Variants in MGAT4C observed in about 807,000 individuals in gnomAD.
MGAT4C encodes MGAT4 family member C, also known as alpha-1,3-mannosyl-glycoprotein 4-beta-N-acetylglucosaminyltransferase C.
In MGAT4C, 19 loss-of-function variants were observed where a neutral mutation model predicts 40.1. That is an observed-to-expected ratio of 0.47 (90% confidence interval 0.33 to 0.70). The LOEUF is 0.70. Among genes scored for constraint, MGAT4C ranks in the 30% least tolerant of loss-of-function variants. The probability of loss-of-function intolerance (pLI) is 0.02; values close to 1 mark genes in which losing one functional copy is unlikely to be tolerated. For missense variants in MGAT4C, 491 were observed against 563.2 expected (o/e 0.87, Z 1.30); for synonymous variants, 181 against 187.1 (o/e 0.97, Z 0.27).
chr12:86,831,937 A>G (rs113959355), intron 1 of MGAT4C, among the ~76,000 whole-genome samples: 1 of 151,864 alleles, frequency 6.6e-6, no homozygotes, highest in Non-Finnish European at 1.5e-5. Flanking sequence ...ACAATATCAC[A>G]AAGATTCTGT....
intron 2 of MGAT4C, among the ~76,000 whole-genome samples, chr12:86,702,223 T>C (rs1271857116): frequency 2.6e-5 from 4 of 151,212 alleles, no homozygotes; most frequent in African/African-American, 4.9e-5. Context: ...TTTTTTTTTT[T>C]CAGAGATGTA....
rs1333739655 is a variant in MGAT4C at position 85,957,111 on chromosome 12, C to G, written c.*22178G>C. On this transcript the variant is annotated 3_prime_UTR_variant, in exon 5 of 5. Coordinates refer to ENST00000611864, the MANE Select transcript of MGAT4C (RefSeq NM_001351288.2). ...TATTATTTTGTTATTATCTATATTTCCTCATAGCAGCTCCTCTTAAAGACT... is the reference window on the plus strand; with the variant it reads ...TATTATTTTGTTATTATCTATATTTGCTCATAGCAGCTCCTCTTAAAGACT... 6.6e-6 allele frequency: 1 copy of G among 152,092 alleles called. No homozygotes were observed. Among genetic ancestry groups the G allele is most frequent in the Non-Finnish European group, 1.5e-5 (1 of 68,028 alleles). 9.4% of individuals were successfully genotyped at this position (152,092 alleles called of 1,614,324 possible). A position where few individuals can be genotyped will look rare whatever the true frequency, so the allele number is the denominator to read the frequency against.
chr12:86,605,359 T>C (rs562031445), intron 2 of MGAT4C, among the ~76,000 whole-genome samples: 120 of 152,202 alleles, frequency 7.9e-4, no homozygotes, highest in African/African-American at 2.7e-3. Context: ...ATCATTGTTC[T>C]TTCACCCGTT....
At chr12:86,672,672 C>A (rs1049084593) in intron 2 of MGAT4C, among the ~76,000 whole-genome samples, 2 of 152,082 alleles carry the variant, frequency 1.3e-5, no homozygotes, top group African/African-American at 4.8e-5. Flanking sequence ...AAACCAAATA[C>A]TGCTTGTTCT....
intron 3 of MGAT4C, among the ~76,000 whole-genome samples, chr12:86,400,290 C>A (rs1956332764): frequency 6.6e-6 from 1 of 152,160 alleles, no homozygotes; most frequent in Non-Finnish European, 1.5e-5. Context: ...GAATAGCCTT[C>A]CAGTTGTCCC....
intron 1 of MGAT4C, among the ~76,000 whole-genome samples, chr12:86,818,541 T>C (rs1044078521): frequency 6.6e-6 from 1 of 151,168 alleles, no homozygotes; most frequent in African/African-American, 2.4e-5. Context: ...TGACTTTAAA[T>C]AGGTAATTAA....
chr12:86,673,083 G>A (rs1250792010), intron 2 of MGAT4C, among the ~76,000 whole-genome samples: 1 of 152,062 alleles, frequency 6.6e-6, no homozygotes, highest in Admixed American at 6.6e-5. Context: ...TCAGGATTCA[G>A]TGCCAAAGTG....
At position 85,961,168 on chromosome 12, in the gene MGAT4C, G is replaced by T. The variant is rs1277457393; in HGVS notation, c.*18121C>A. On this transcript the variant is annotated 3_prime_UTR_variant, in exon 5 of 5. Coordinates refer to ENST00000611864, the MANE Select transcript of MGAT4C (RefSeq NM_001351288.2). Reference sequence around the variant, plus strand: ...TCCTTCAGTCAGATTTATAAAGTATGACCTATAGCATCCAACTCCATCATT... The same window carrying T: ...TCCTTCAGTCAGATTTATAAAGTATTACCTATAGCATCCAACTCCATCATT... 5.3e-5 allele frequency: 8 copies of T among 151,862 alleles called. No individual in the cohort carries two copies. Among genetic ancestry groups the T allele is most frequent in the African/African-American group, 1.9e-4 (8 of 41,426 alleles). 9.4% of individuals were successfully genotyped at this position (151,862 alleles called of 1,614,324 possible).
rs1377637819 is a variant in MGAT4C at position 86,270,488 on chromosome 12, G to A, written c.-57+63577C>T. 2.0e-5 allele frequency among the ~76,000 whole-genome samples: 3 copies of A among 152,096 alleles called. No homozygotes were observed. The East Asian group carries it at 5.8e-4, about 29-fold the overall frequency. ...GTCTCTATGAATTTGACTACTCTAG[G>A]AATTTCATATAATTAAAATCATACA... On this transcript the variant is annotated intron_variant, in intron 4 of 7. Transcript: ENST00000548651.
At chr12:86,084,012 C>G (rs1476203678) in intron 1 of MGAT4C, among the ~76,000 whole-genome samples, 1 of 149,990 alleles carries the variant, frequency 6.7e-6, no homozygotes, top group Non-Finnish European at 1.5e-5. Flanking sequence ...AGCTCCCAAG[C>G]ACATGGCTTA....
intron 3 of MGAT4C, among the ~76,000 whole-genome samples, chr12:86,406,712 TA>T (rs1017480539): frequency 8.9e-4 from 131 of 146,630 alleles, no homozygotes; most frequent in African/African-American, 2.7e-3. Context: ...GCAGTTTCTT[TA>T]AAAAAAAAAA....
At chr12:86,526,710 A>G (rs1958889222) in intron 2 of MGAT4C, among the ~76,000 whole-genome samples, 1 of 152,128 alleles carries the variant, frequency 6.6e-6, no homozygotes, top group African/African-American at 2.4e-5. Flanking sequence ...CTCCTAAGAG[A>G]GCAAGTTAAG....
chr12:86,263,684 GATACCCA>G (rs1782922610), intron 4 of MGAT4C, among the ~76,000 whole-genome samples: 2 of 152,084 alleles, frequency 1.3e-5, no homozygotes, highest in Non-Finnish European at 2.9e-5. Context: ...CTTTTGGGGA[GATACCCA>G]GTAGTGTGAC....
chr12:86,178,090 C>G (rs571363026), intron 1 of MGAT4C, among the ~76,000 whole-genome samples: 3 of 152,228 alleles, frequency 2.0e-5, no homozygotes, highest in Admixed American at 6.5e-5. Context: ...GTGCCCACCA[C>G]CATGCCCGGC....
chr12:86,044,684 C>G (rs1442770007), intron 2 of MGAT4C, among the ~76,000 whole-genome samples: 1 of 152,096 alleles, frequency 6.6e-6, no homozygotes, highest in African/African-American at 2.4e-5. Context: ...CAGGCACAGT[C>G]AGCTGTTGAA....
chr12:86,592,102 T>C (rs904920597), intron 2 of MGAT4C, among the ~76,000 whole-genome samples: 29 of 152,108 alleles, frequency 1.9e-4, no homozygotes, highest in African/African-American at 7.0e-4. Context: ...TAAGGAATCT[T>C]AAGTTAGGAA....
chr12:86,531,080 C>T (rs950397008), intron 2 of MGAT4C, among the ~76,000 whole-genome samples: 1 of 152,010 alleles, frequency 6.6e-6, no homozygotes, highest in Admixed American at 6.6e-5. Context: ...ATGATGTAAA[C>T]TTGTTTTTAG....
At chr12:86,276,077 C>A (rs1401715822) in intron 4 of MGAT4C, among the ~76,000 whole-genome samples, 2 of 149,496 alleles carry the variant, frequency 1.3e-5, no homozygotes, top group African/African-American at 4.9e-5. Context: ...GAGATTGCGC[C>A]GCTGCACTCC....
intron 3 of MGAT4C, among the ~76,000 whole-genome samples, chr12:86,346,577 G>C (rs974480161): frequency 1.3e-5 from 2 of 152,108 alleles, no homozygotes; most frequent in Non-Finnish European, 2.9e-5. Flanking sequence ...CTATTCACCT[G>C]TTGAAATACA....
Sources: gnomAD v4.1 joint callset for allele counts (sites outside exome capture counted in the v4.1 genomes callset) on GRCh38, gnomAD v4.1.1 for gene constraint, MANE v1.5 for transcripts, NCBI Gene and HGNC (gene_info 2026-07-23, HGNC 2026-07-21) for gene names.